Variants in AGBL4 observed in about 807,000 individuals in gnomAD.
AGBL4 encodes the protein cytosolic carboxypeptidase 6.
A neutral mutation model predicts 66.4 loss-of-function variants in AGBL4; 58 were observed. The ratio of observed to expected loss-of-function variants is 0.87; its 90% CI spans 0.71 to 1.09. The LOEUF is 1.09. AGBL4 is among the 50% of genes least tolerant of loss of function. The pLI is 0.00. For synonymous variants in AGBL4, 234 were observed against 222.9 expected (o/e 1.05, Z -0.44); for missense variants, 579 against 631.0 (o/e 0.92, Z 0.88).
At chr1:49,608,297 T>A (rs1645096171) in intron 3 of AGBL4, among the ~76,000 whole-genome samples, 1 of 152,178 alleles carries the variant, frequency 6.6e-6, no homozygotes, top group Admixed American at 6.5e-5. Context: ...GTACCTATTT[T>A]CCCATCTTAT....
At chr1:49,596,279 CG>C (rs1644851946) in intron 3 of AGBL4, among the ~76,000 whole-genome samples, 1 of 152,108 alleles carries the variant, frequency 6.6e-6, no homozygotes, top group African/African-American at 2.4e-5. Flanking sequence ...GCAATTCTCA[CG>C]ATTAAGCCTC....
At chr1:49,338,324 A>T (rs2148501527) in intron 3 of AGBL4, among the ~76,000 whole-genome samples, 1 of 152,350 alleles carries the variant, frequency 6.6e-6, no homozygotes, top group African/African-American at 2.4e-5. Flanking sequence ...CATATTAAAA[A>T]TTTACTTATT....
At chr1:49,707,777 G>A (rs1398340727) in intron 2 of AGBL4, among the ~76,000 whole-genome samples, 1 of 151,990 alleles carries the variant, frequency 6.6e-6, no homozygotes, top group East Asian at 1.9e-4. Context: ...GCATTTGATT[G>A]TCCATAAAGG....
In AGBL4 at chr1:49,950,124, A is replaced by G. The variant is rs12728340; in HGVS notation, c.34+73639T>C. ...TATATATACATATGTATATACACAT[A>G]TGTGTATATATATACACATATGTGT... On this transcript the variant is annotated intron_variant, in intron 1 of 13. Coordinates refer to ENST00000371839, the MANE Select transcript of AGBL4 (RefSeq NM_032785.4). 4.2e-4 allele frequency among the ~76,000 whole-genome samples: 59 copies of G among 141,228 alleles called. No homozygotes were observed. The East Asian group carries it at 0.011, about 25-fold the overall frequency. The allele number at this position is 141,228 out of a possible 152,430, so 92.7% of individuals were successfully genotyped here.
intron 3 of AGBL4, among the ~76,000 whole-genome samples, chr1:49,469,640 A>G (rs549052097): frequency 1.3e-5 from 2 of 152,050 alleles, no homozygotes; most frequent in East Asian, 1.9e-4. Flanking sequence ...TAAATAGTTG[A>G]TGATTCTTGC....
intron 5 of AGBL4, among the ~76,000 whole-genome samples, chr1:48,955,987 C>T (rs1057339772): frequency 6.6e-6 from 1 of 152,232 alleles, no homozygotes; most frequent in African/African-American, 2.4e-5. Context: ...GCTGTCTGCC[C>T]TGACCCTGGC....
chr1:49,551,366 G>C (rs1159348036), intron 3 of AGBL4, among the ~76,000 whole-genome samples: 2 of 152,162 alleles, frequency 1.3e-5, no homozygotes, highest in Non-Finnish European at 2.9e-5. Context: ...AGATGTTAAA[G>C]AGCCTTGTTT....
At chr1:49,960,412 G>A (rs1657022806) in intron 1 of AGBL4, among the ~76,000 whole-genome samples, 1 of 151,988 alleles carries the variant, frequency 6.6e-6, no homozygotes, top group African/African-American at 2.4e-5. Context: ...CTATACGCTG[G>A]TAAGGGTAGG....
chr1:48,679,911 G>A (rs536260231), intron 6 of AGBL4, among the ~76,000 whole-genome samples: 20 of 152,360 alleles, frequency 1.3e-4, no homozygotes, highest in African/African-American at 4.8e-4. Context: ...ACGGTGCTTA[G>A]TAACTGCTGT....
At chr1:49,340,018 A>G (rs1325241985) in intron 3 of AGBL4, among the ~76,000 whole-genome samples, 1 of 152,222 alleles carries the variant, frequency 6.6e-6, no homozygotes, top group Admixed American at 6.5e-5. Flanking sequence ...GTGACCAGGT[A>G]CTAGCCAAAG....
chr1:49,712,652 T>C (rs1240963000), intron 2 of AGBL4, among the ~76,000 whole-genome samples: 1 of 151,914 alleles, frequency 6.6e-6, no homozygotes, highest in African/African-American at 2.4e-5. Flanking sequence ...ACAATTTTCA[T>C]GATTATAGAA....
intron 2 of AGBL4, among the ~76,000 whole-genome samples, chr1:49,725,242 C>T (rs991202803): frequency 6.6e-6 from 1 of 152,130 alleles, no homozygotes; most frequent in African/African-American, 2.4e-5. Flanking sequence ...TTACTCTTTC[C>T]TATTCCCATA....
At chr1:49,858,550 C>T (rs1017910800) in intron 1 of AGBL4, among the ~76,000 whole-genome samples, 4 of 151,694 alleles carry the variant, frequency 2.6e-5, no homozygotes, top group South Asian at 2.1e-4. Context: ...GAAGGGACCA[C>T]GCAAACAATA....
intron 3 of AGBL4, among the ~76,000 whole-genome samples, chr1:49,413,711 C>T (rs936800515): frequency 1.3e-4 from 20 of 152,112 alleles, no homozygotes; most frequent in African/African-American, 2.9e-4. Context: ...CCACAACAAT[C>T]ACAATTTGCC....
At chr1:48,984,562 A>G (rs943498562) in intron 5 of AGBL4, among the ~76,000 whole-genome samples, 4 of 148,880 alleles carry the variant, frequency 2.7e-5, no homozygotes, top group African/African-American at 9.8e-5. Context: ...TGAGTGTCCA[A>G]GAAGGGATAT....
At chr1:48,896,438 GGC>G (rs1169091880) in intron 5 of AGBL4, among the ~76,000 whole-genome samples, 1 of 152,198 alleles carries the variant, frequency 6.6e-6, no homozygotes, top group African/African-American at 2.4e-5. Context: ...TGATCAGAAT[GGC>G]TTCTGGCACA....
At chr1:49,858,486 G>A (rs554050038) in intron 1 of AGBL4, among the ~76,000 whole-genome samples, 1 of 152,000 alleles carries the variant, frequency 6.6e-6, no homozygotes, top group East Asian at 1.9e-4. Context: ...ACTATTTATA[G>A]AAAATTGTTT....
intron 5 of AGBL4, among the ~76,000 whole-genome samples, chr1:48,869,751 T>A (rs12135250): frequency 0.076 from 11,546 of 151,228 alleles, 612 homozygotes; most frequent in East Asian, 0.17. Context: ...CCTGAGAACC[T>A]GTAGCCAGCA....
intron 1 of AGBL4, among the ~76,000 whole-genome samples, chr1:50,014,486 T>TTCAAGATCA (rs1180067600): frequency 6.6e-6 from 1 of 151,950 alleles, no homozygotes; most frequent in Non-Finnish European, 1.5e-5. Context: ...TATTCCTACT[T>TTCAAGATCA]TCAAGATCAG....
Sources: gnomAD v4.1 joint callset for allele counts (sites outside exome capture counted in the v4.1 genomes callset) on GRCh38, gnomAD v4.1.1 for gene constraint, MANE v1.5 for transcripts, NCBI Gene and HGNC (gene_info 2026-07-23, HGNC 2026-07-21) for gene names.